The following SLC15A3 variants were observed in gnomAD, a reference collection of about 807,000 sequenced individuals.
The protein encoded by SLC15A3 is solute carrier family 15 member 3, also known as osteoclast transporter.
In SLC15A3, 39 loss-of-function variants were observed where a neutral mutation model predicts 49.2. The observed-to-expected ratio is 0.79, with a 90% CI of 0.61 to 1.04. The LOEUF is 1.04. Ranked by LOEUF, SLC15A3 falls within the 50% of genes least tolerant of loss-of-function variation. The probability of loss-of-function intolerance (pLI) is 0.00; values close to 1 mark genes in which losing one functional copy is unlikely to be tolerated. For missense variants in SLC15A3, 758 were observed against 794.8 expected (o/e 0.95, Z 0.56); for synonymous variants, 339 against 367.0 (o/e 0.92, Z 0.87).
chr11:60,941,464 G>A, intron 4 of SLC15A3, 174 bp from the exon 5 acceptor site: 1 of 575,744 alleles, frequency 1.7e-6, no homozygotes, highest in Non-Finnish European at 3.0e-6. Context: ...TGTAGAGATG[G>A]CAAATAGGTT....
chr11:60,943,748 G>A lies in SLC15A3; in HGVS notation c.937C>T (p.Leu313=). The change falls in exon 3 of 8, where the codon CTG becomes TTG. Residue 313 remains leucine, a synonymous_variant. Coordinates refer to ENST00000227880, the MANE Select transcript of SLC15A3 (RefSeq NM_016582.3). ...PQEDIANFQV[L]VKILPVMVTL... ...ACCATGACGGGCAAGATCTTCACCAGCACCTGGAAGTTGGCGATGTCCTCT... is the reference window on the plus strand; with the variant it reads ...ACCATGACGGGCAAGATCTTCACCAACACCTGGAAGTTGGCGATGTCCTCT... 1 of 1,606,090 alleles carries A rather than the reference G, an allele frequency of 6.2e-7. No homozygotes were observed. Among genetic ancestry groups the A allele is most frequent in the Non-Finnish European group, 8.5e-7 (1 of 1,175,916 alleles).
chr11:60,938,183 T>C, intron 6 of SLC15A3, 158 bp from the exon 7 acceptor site: 1 of 864,600 alleles, frequency 1.2e-6, no homozygotes, highest in Non-Finnish European at 1.7e-6. Context: ...CACCCATGCA[T>C]CAATGCCGCC....
In SLC15A3 at chr11:60,943,676, C is replaced by T. The variant is rs775377102; in HGVS notation, c.996+13G>A. ...GAGCCAGGCCCCCAGAGAAAAAGGG[C>T]AGGTATGCTCACCTGGAAGTAGACC... On this transcript the variant is annotated intron_variant, in intron 3 of 7. Coordinates refer to ENST00000227880, the MANE Select transcript of SLC15A3 (RefSeq NM_016582.3). The T allele has an allele frequency of 1.3e-6, 2 of 1,512,468 alleles. No individual in the cohort carries two copies. The highest frequency in any genetic ancestry group is 2.5e-5 in the East Asian group (1 of 40,744). The allele number at this position is 1,512,468 out of a possible 1,614,324, so 93.7% of individuals were successfully genotyped here. A position where few individuals can be genotyped will look rare whatever the true frequency, so the allele number is the denominator to read the frequency against.
intron 1 of SLC15A3, 43 bp from the exon 2 acceptor site, chr11:60,946,864 G>A (rs769814913): frequency 4.1e-5 from 65 of 1,573,434 alleles, no homozygotes; most frequent in South Asian, 1.2e-4. Flanking sequence ...AAAGGGGTCC[G>A]GGGCACTCTC....
At chr11:60,949,232 A>G (rs1341311547) in intron 1 of SLC15A3, among the ~76,000 whole-genome samples, 1 of 151,972 alleles carries the variant, frequency 6.6e-6, no homozygotes, top group Non-Finnish European at 1.5e-5. Context: ...GCTACTTGGG[A>G]GGCTGAGGCA....
chr11:60,938,587 GCT>G (rs1856660703), intron 6 of SLC15A3, among the ~76,000 whole-genome samples: 1 of 152,088 alleles, frequency 6.6e-6, no homozygotes, highest in Admixed American at 6.5e-5. Context: ...GAGGAGGGGC[GCT>G]GTTGCCTTCA....
intron 3 of SLC15A3, chr11:60,942,902 C>G (rs1951302713): frequency 6.6e-6 from 1 of 151,836 alleles, no homozygotes; most frequent in African/African-American, 2.4e-5. Context: ...ACCTTATGGC[C>G]TGGGGGCTAG....
At position 60,946,767 on chromosome 11, in the gene SLC15A3, T is replaced by G. The variant is rs765024044; in HGVS notation, c.613A>C (p.Ser205Arg). 3.1e-6 allele frequency: 5 copies of G among 1,613,888 alleles called. No homozygotes were observed. In the African/African-American group the frequency reaches 5.3e-5, roughly 17 times the overall value. Residue 205 changes from serine (S) to arginine (R), a missense_variant, in exon 2 of 8, where the codon AGC (serine) becomes CGC (arginine). By Grantham distance (110) the Ser-to-Arg change is moderately radical (BLOSUM62 -1). This residue lies in a region of SLC15A3 where 699 missense variants were observed against 706.7 expected (regional missense o/e 0.99). Transcript: ENST00000227880. Reference protein sequence around the residue: ...TRRFFNWFYWSINLGAVLSLL... With the variant: ...TRRFFNWFYWRINLGAVLSLL... ...GACAGCACAGCACCCAGGTTGATGC[T>G]CCAGTAAAACCAGTTGAAGAAGCGG...
chr11:60,944,522 G>A (rs370422201), intron 2 of SLC15A3, among the ~76,000 whole-genome samples: 23 of 152,002 alleles, frequency 1.5e-4, no homozygotes, highest in African/African-American at 4.1e-4. Flanking sequence ...GACTCATTCC[G>A]CTCTAGAGCT....
In SLC15A3 at chr11:60,941,376, C is replaced by G. The variant is rs1314272587; in HGVS notation, c.1108-86G>C. Reference sequence around the variant, plus strand: ...AGGAGACCTGGACTCTAGACTGGCCCTGGGTGACCCTGGGGTCCAGCTCCT... The same window carrying G: ...AGGAGACCTGGACTCTAGACTGGCCGTGGGTGACCCTGGGGTCCAGCTCCT... On this transcript the variant is annotated intron_variant, in intron 4 of 7. Coordinates refer to ENST00000227880, the MANE Select transcript of SLC15A3 (RefSeq NM_016582.3). 33 of 1,378,456 alleles carry G rather than the reference C, an allele frequency of 2.4e-5. No homozygotes were observed. The East Asian group carries it at 4.1e-4, about 17-fold the overall frequency. 85.4% of individuals were successfully genotyped at this position (1,378,456 alleles called of 1,614,324 possible). A position where few individuals can be genotyped will look rare whatever the true frequency, so the allele number is the denominator to read the frequency against.
chr11:60,942,938 TCACACACACACACA>T (rs10536589), intron 3 of SLC15A3: 28,669 of 146,654 alleles, frequency 0.2, 3,261 homozygotes, highest in East Asian at 0.5. Context: ...CACCCTCCTA[TCACACACACACACA>T]CACACACACA....
intron 6 of SLC15A3, 47 bp from the exon 7 acceptor site, chr11:60,938,072 G>T: frequency 6.3e-7 from 1 of 1,597,162 alleles, no homozygotes; most frequent in Middle Eastern, 2.1e-4. Context: ...TGCAGGCGCA[G>T]AGAACAGGCC....
At chr11:60,942,194 C>A in intron 3 of SLC15A3, 49 bp from the exon 4 acceptor site, 2 of 1,500,724 alleles carry the variant, frequency 1.3e-6, no homozygotes, top group South Asian at 1.1e-5. Flanking sequence ...GCCATGCCCC[C>A]TCCCAACTCC....
intron 1 of SLC15A3, among the ~76,000 whole-genome samples, chr11:60,948,719 AT>A (rs1856841573): frequency 6.6e-6 from 1 of 152,224 alleles, no homozygotes; most frequent in South Asian, 2.1e-4. Flanking sequence ...TCCCGACTTC[AT>A]GAGGCCTTGT....
In SLC15A3 at chr11:60,946,512, C is replaced by A. The variant is rs1443515314; in HGVS notation, c.848+20G>T. The A allele has an allele frequency of 3.9e-6, 6 of 1,529,958 alleles. No individual in the cohort carries two copies. In the African/African-American group the frequency reaches 6.9e-5, roughly 18 times the overall value. The allele number at this position is 1,529,958 out of a possible 1,614,324, so 94.8% of individuals were successfully genotyped here. A position where few individuals can be genotyped will look rare whatever the true frequency, so the allele number is the denominator to read the frequency against. ...CTTCTCCAGGCTTGGAGGCTCCCTGCACCCAGAGCCCCTCCTTACCTGGCC... is the reference window on the plus strand; with the variant it reads ...CTTCTCCAGGCTTGGAGGCTCCCTGAACCCAGAGCCCCTCCTTACCTGGCC... On this transcript the variant is annotated intron_variant, in intron 2 of 7. Transcript: ENST00000227880.
chr11:60,949,514 AAG>A (rs1160476303), intron 1 of SLC15A3, among the ~76,000 whole-genome samples: 2 of 70,662 alleles, frequency 2.8e-5, no homozygotes, highest in East Asian at 9.7e-4. Flanking sequence ...GAAAGAAAGA[AAG>A]AAAGAAAGAA....
At chr11:60,940,189 T>A in intron 5 of SLC15A3, 1 of 156,186 alleles carries the variant, frequency 6.4e-6, no homozygotes, top group Non-Finnish European at 1.4e-5. Flanking sequence ...ATAGCTGTGC[T>A]CTAGTGGAAT....
intron 5 of SLC15A3, 41 bp downstream of exon 5, chr11:60,941,081 A>T (rs774813892): frequency 6.4e-7 from 1 of 1,571,638 alleles, no homozygotes; most frequent in Non-Finnish European, 8.7e-7. Flanking sequence ...GACTTCCCCA[A>T]GCCCAAAGTT....
chr11:60,951,000 G>A lies in SLC15A3; in HGVS notation c.552C>T (p.Ala184=), dbSNP rs866006159. ...CAGGCCTCCTGCCACTCACCTGGTC[G>A]GCACCGAAGGAGGTGAGGTTGCTCC... ...SVRSNLTSFG[A]DQVMDLGRDA... The change falls in exon 1 of 8, where the codon GCC becomes GCT. Residue 184 remains alanine, a synonymous_variant. Transcript: ENST00000227880. The A allele has an allele frequency of 6.1e-6, 9 of 1,474,908 alleles. No individual in the cohort carries two copies. The highest frequency in any genetic ancestry group is 1.5e-5 in the African/African-American group (1 of 67,858). 91.4% of individuals were successfully genotyped at this position (1,474,908 alleles called of 1,614,324 possible). A position where few individuals can be genotyped will look rare whatever the true frequency, so the allele number is the denominator to read the frequency against.
Sources: allele counts gnomAD v4.1 joint callset (sites outside exome capture counted in the v4.1 genomes callset), GRCh38; gene constraint gnomAD v4.1.1; regional missense constraint gnomAD v4.1.1; transcripts MANE v1.5; gene names NCBI Gene and HGNC (gene_info 2026-07-23, HGNC 2026-07-21).